TMEM178A: variants seen among roughly 807,000 people sequenced by gnomAD.
TMEM178A encodes transmembrane protein 178.
Under a neutral mutation model 29.1 loss-of-function variants are expected in TMEM178A, and 12 were observed. That is an observed-to-expected ratio of 0.41 (90% CI 0.26 to 0.67). The LOEUF (loss-of-function observed/expected upper bound fraction) is 0.67. Ranked by LOEUF, TMEM178A falls within the 30% of genes least tolerant of loss-of-function variation. The probability of loss-of-function intolerance (pLI) is 0.29; values close to 1 mark genes in which losing one functional copy is unlikely to be tolerated. For synonymous variants in TMEM178A, 210 were observed against 187.2 expected, an observed-to-expected ratio of 1.12 and a Z score of -0.99; for missense variants, 366 against 419.1, an observed-to-expected ratio of 0.87 and a Z score of 1.11.
At chr2:39,722,408 A>G (rs1438112920), downstream of TMEM178A, among the ~76,000 whole-genome samples, 1 of 152,198 alleles carries the variant, frequency 6.6e-6, no homozygotes, top group African/African-American at 2.4e-5. Flanking sequence ...TGGAGACTGG[A>G]ATTGAAAACT....
intron 3 of TMEM178A, among the ~76,000 whole-genome samples, chr2:39,714,892 T>C (rs895558259): frequency 1.3e-5 from 2 of 152,192 alleles, no homozygotes; most frequent in African/African-American, 2.4e-5. Flanking sequence ...AGCTGAGTAC[T>C]AGATTCACTA....
intron 1 of TMEM178A, among the ~76,000 whole-genome samples, chr2:39,667,508 C>T (rs1047549622): frequency 1.3e-5 from 2 of 151,494 alleles, no homozygotes; most frequent in Non-Finnish European, 2.9e-5. Context: ...AGAAAAAGTC[C>T]AAAATCAGTA....
intron 1 of TMEM178A, among the ~76,000 whole-genome samples, chr2:39,671,809 C>T (rs1670418594): frequency 6.6e-6 from 1 of 152,214 alleles, no homozygotes; most frequent in Non-Finnish European, 1.5e-5. Context: ...AAGACTGCTT[C>T]TCTCACTGCT....
chr2:39,733,974 C>G, the TMEM178A span, among the ~76,000 whole-genome samples: 1 of 151,958 alleles, frequency 6.6e-6, no homozygotes, highest in Non-Finnish European at 1.5e-5. Context: ...ATCTTTTCGT[C>G]TTTCCTGGAA....
intron 1 of TMEM178A, among the ~76,000 whole-genome samples, chr2:39,685,292 C>G (rs904406315): frequency 6.6e-6 from 1 of 152,194 alleles, no homozygotes; most frequent in Non-Finnish European, 1.5e-5. Flanking sequence ...CCACAAAACC[C>G]TGTGCATGCT....
At chr2:39,674,380 T>C (rs2148057222) in intron 1 of TMEM178A, among the ~76,000 whole-genome samples, 1 of 152,348 alleles carries the variant, frequency 6.6e-6, no homozygotes, top group South Asian at 2.1e-4. Context: ...TGGATGAGAT[T>C]GGAGACTATT....
chr2:39,727,251 A>C, the TMEM178A span, among the ~76,000 whole-genome samples: 1 of 152,218 alleles, frequency 6.6e-6, no homozygotes, highest in African/African-American at 2.4e-5. Flanking sequence ...CAGTTTACCA[A>C]GGAGCATTCC....
chr2:39,690,167 C>T (rs1208689498), intron 1 of TMEM178A, among the ~76,000 whole-genome samples: 1 of 152,116 alleles, frequency 6.6e-6, no homozygotes, highest in Non-Finnish European at 1.5e-5. Context: ...GCGTAGATCT[C>T]AAAATCTGGC....
chr2:39,665,673 G>A (rs578017441), upstream of TMEM178A: 4 of 300,972 alleles, frequency 1.3e-5, no homozygotes, highest in East Asian at 1.5e-4. Flanking sequence ...TGCGCGGGGT[G>A]GGGGGCGCCG....
chr2:39,718,846 A>G (rs1292947630), downstream of TMEM178A, among the ~76,000 whole-genome samples: 5 of 152,220 alleles, frequency 3.3e-5, no homozygotes, highest in Non-Finnish European at 7.3e-5. Flanking sequence ...ACAATGTAGG[A>G]TAAAGACAGC....
chr2:39,666,421 G>T (rs1204137655), intron 1 of TMEM178A, 47 bp downstream of exon 1: 8 of 1,249,770 alleles, frequency 6.4e-6, no homozygotes, highest in Non-Finnish European at 8.0e-6. Flanking sequence ...CGCGTGGAGC[G>T]CAGCCCGCGG....
chr2:39,676,036 T>G (rs1364567359), intron 1 of TMEM178A, among the ~76,000 whole-genome samples: 2 of 152,242 alleles, frequency 1.3e-5, no homozygotes, highest in Non-Finnish European at 2.9e-5. Context: ...TCCTCCCACC[T>G]TGGCCTTCCA....
In TMEM178A at chr2:39,707,131, C is replaced by G; in HGVS notation, c.597C>G (p.Phe199Leu). The G allele has an allele frequency of 1.2e-6, 2 of 1,614,226 alleles. No homozygotes were observed. The highest frequency in any genetic ancestry group is 1.7e-6 in the Non-Finnish European group (2 of 1,180,026). The change falls in exon 3 of 4, where the codon TTC (phenylalanine) becomes TTG (leucine). Residue 199 changes from phenylalanine to leucine, a missense_variant. By Grantham distance (22) the Phe-to-Leu change is conservative. This residue lies in a region of TMEM178A where 119 missense variants were observed against 172.2 expected (regional missense o/e 0.69). Coordinates refer to ENST00000281961, the MANE Select transcript of TMEM178A (RefSeq NM_152390.3). ...LCGCIVATVSFFWEESLTQHV... is the reference protein window; with the variant it reads ...LCGCIVATVSLFWEESLTQHV... ...GCTGCATTGTGGCCACAGTCAGTTT[C>G]TTCTGGGAGGAGAGCTTGACCCAGC... is the stretch of plus-strand genomic sequence containing the variant.
At chr2:39,698,592 A>T (rs2716699) in intron 1 of TMEM178A, among the ~76,000 whole-genome samples, 88,296 of 152,060 alleles carry the variant, frequency 0.58, 27,386 homozygotes, top group East Asian at 0.83. Flanking sequence ...GCATATCTAT[A>T]CATAAGGAAT....
At chr2:39,681,868 A>G (rs1331057629) in intron 1 of TMEM178A, among the ~76,000 whole-genome samples, 1 of 152,212 alleles carries the variant, frequency 6.6e-6, no homozygotes, top group Admixed American at 6.5e-5. Context: ...GGAGAATAAC[A>G]TTGGAACTGC....
chr2:39,725,266 G>A, the TMEM178A span, among the ~76,000 whole-genome samples: 2 of 152,156 alleles, frequency 1.3e-5, no homozygotes, highest in East Asian at 1.9e-4. Context: ...AGCCAGATGA[G>A]TAAGAATACA....
At chr2:39,689,175 C>G (rs1671209893) in intron 1 of TMEM178A, among the ~76,000 whole-genome samples, 1 of 152,178 alleles carries the variant, frequency 6.6e-6, no homozygotes, top group Admixed American at 6.5e-5. Flanking sequence ...AAGGGACCAA[C>G]AGTATATTGT....
At chr2:39,696,282 G>A (rs891434234) in intron 1 of TMEM178A, among the ~76,000 whole-genome samples, 9 of 152,170 alleles carry the variant, frequency 5.9e-5, no homozygotes, top group Non-Finnish European at 1.3e-4. Flanking sequence ...TCAGGCAGCT[G>A]TTGCCATGTG....
chr2:39,686,767 C>T (rs1475806136), intron 1 of TMEM178A, among the ~76,000 whole-genome samples: 2 of 152,144 alleles, frequency 1.3e-5, no homozygotes, highest in African/African-American at 4.8e-5. Context: ...TAAACTCCTC[C>T]TATCCACTGA....
Sources: allele counts gnomAD v4.1 joint callset (sites outside exome capture counted in the v4.1 genomes callset), GRCh38; gene constraint gnomAD v4.1.1; regional missense constraint gnomAD v4.1.1; transcripts MANE v1.5; gene names NCBI Gene and HGNC (gene_info 2026-07-23, HGNC 2026-07-21).